Variants in FSTL4 observed in about 807,000 individuals in gnomAD.
FSTL4 encodes the protein follistatin like 4.
Under a neutral mutation model 78.2 loss-of-function variants are expected in FSTL4, and 28 were observed. That is an observed-to-expected ratio of 0.36 (90% confidence interval 0.27 to 0.49). The LOEUF (loss-of-function observed/expected upper bound fraction) is 0.49. Ranked by LOEUF, FSTL4 falls within the 20% of genes least tolerant of loss-of-function variation. FSTL4 has a pLI of 0.98. For missense variants in FSTL4, 922 were observed against 1,084.9 expected (o/e 0.85, Z 2.11); for synonymous variants, 422 against 440.5 (o/e 0.96, Z 0.53).
At chr5:133,761,264 C>G in the FSTL4 span, among the ~76,000 whole-genome samples, 6 of 152,156 alleles carry the variant, frequency 3.9e-5, no homozygotes, top group Admixed American at 1.3e-4. Flanking sequence ...TTCGAAGACT[C>G]CATAAAGAAG....
chr5:133,701,468 A>AACACACAC, the FSTL4 span, among the ~76,000 whole-genome samples: 1,555 of 129,036 alleles, frequency 0.012, 29 homozygotes, highest in African/African-American at 0.03. Flanking sequence ...AAGACACAGA[A>AACACACAC]ACACACACAC....
intron 2 of FSTL4, among the ~76,000 whole-genome samples, chr5:133,576,581 G>A (rs572147635): frequency 6.3e-4 from 96 of 152,264 alleles, no homozygotes; most frequent in African/African-American, 2.1e-3. Context: ...CTGTACAAGG[G>A]GCCCGGCCTG....
the FSTL4 span, among the ~76,000 whole-genome samples, chr5:133,684,070 C>T: frequency 3.9e-5 from 6 of 152,298 alleles, no homozygotes; most frequent in Admixed American, 3.3e-4. Context: ...TTTTTATCAC[C>T]GACTTAATGC....
At chr5:133,214,497 A>G (rs1257483839) in intron 13 of FSTL4, among the ~76,000 whole-genome samples, 2 of 152,178 alleles carry the variant, frequency 1.3e-5, no homozygotes, top group East Asian at 3.8e-4. Context: ...TTAAATTTAT[A>G]CCCACAATTC....
At chr5:133,838,601 C>T in the FSTL4 span, among the ~76,000 whole-genome samples, 1 of 152,118 alleles carries the variant, frequency 6.6e-6, no homozygotes, top group Admixed American at 6.5e-5. Flanking sequence ...AACTGGGCTC[C>T]TCCAGTGTCT....
intron 4 of FSTL4, among the ~76,000 whole-genome samples, chr5:133,331,667 G>A (rs541819679): frequency 5.3e-5 from 8 of 152,260 alleles, no homozygotes; most frequent in Admixed American, 1.3e-4. Context: ...GACCTGAGAC[G>A]GCTCAGAGAA....
chr5:133,438,003 T>G (rs1288736837), intron 3 of FSTL4, among the ~76,000 whole-genome samples: 3 of 152,222 alleles, frequency 2.0e-5, no homozygotes, highest in African/African-American at 7.2e-5. Flanking sequence ...TGTAACGTAT[T>G]ACTCTAATTA....
intron 3 of FSTL4, among the ~76,000 whole-genome samples, chr5:133,467,824 G>A (rs569739758): frequency 7.9e-5 from 12 of 152,300 alleles, no homozygotes; most frequent in African/African-American, 2.6e-4. Flanking sequence ...GACACTGCTG[G>A]CTGTGAACTA....
At chr5:133,636,746 C>T in the FSTL4 span, among the ~76,000 whole-genome samples, 67 of 152,088 alleles carry the variant, frequency 4.4e-4, 1 homozygote, top group African/African-American at 1.5e-3. Context: ...TAGTTTTTAA[C>T]AGGATCCTAG....
intron 3 of FSTL4, among the ~76,000 whole-genome samples, chr5:133,422,458 C>T (rs1220601443): frequency 4.0e-5 from 6 of 150,498 alleles, no homozygotes; most frequent in African/African-American, 7.4e-5. Flanking sequence ...GTGAAGGAGG[C>T]GGGGTAAGAA....
chr5:133,453,094 T>G (rs1757415028), intron 3 of FSTL4, among the ~76,000 whole-genome samples: 1 of 152,162 alleles, frequency 6.6e-6, no homozygotes, highest in Non-Finnish European at 1.5e-5. Context: ...GATGAGTGAC[T>G]CCAGATCCAA....
At chr5:133,662,323 G>C in the FSTL4 span, among the ~76,000 whole-genome samples, 3 of 152,006 alleles carry the variant, frequency 2.0e-5, no homozygotes, top group Non-Finnish European at 4.4e-5. Flanking sequence ...ATTTACAGTT[G>C]AAATGCTCTG....
chr5:133,728,884 A>T, the FSTL4 span, among the ~76,000 whole-genome samples: 1 of 152,198 alleles, frequency 6.6e-6, no homozygotes, highest in Non-Finnish European at 1.5e-5. Flanking sequence ...AAAAAGAGGA[A>T]TTTATCAGAA....
At chr5:133,561,864 G>A (rs143444576) in intron 3 of FSTL4, among the ~76,000 whole-genome samples, 1 of 152,236 alleles carries the variant, frequency 6.6e-6, no homozygotes, top group East Asian at 1.9e-4. Context: ...AGGACACATC[G>A]GCTAGGTGCA....
chr5:133,321,250 C>T (rs1398251416), intron 4 of FSTL4, among the ~76,000 whole-genome samples: 1 of 152,128 alleles, frequency 6.6e-6, no homozygotes, highest in Admixed American at 6.5e-5. Flanking sequence ...GTGCTATTCA[C>T]CCAAATCTCC....
At chr5:133,830,681 C>T in the FSTL4 span, among the ~76,000 whole-genome samples, 3 of 152,210 alleles carry the variant, frequency 2.0e-5, no homozygotes, top group Non-Finnish European at 4.4e-5. Flanking sequence ...GGCACCTGTG[C>T]TGGCCTCCTG....
the FSTL4 span, among the ~76,000 whole-genome samples, chr5:133,657,469 AT>A: frequency 0.098 from 14,858 of 152,196 alleles, 847 homozygotes; most frequent in South Asian, 0.17. Context: ...AGTACATCAC[AT>A]TGCTCACTTC....
the FSTL4 span, among the ~76,000 whole-genome samples, chr5:133,689,417 C>T: frequency 6.6e-6 from 1 of 152,370 alleles, no homozygotes; most frequent in South Asian, 2.1e-4. Flanking sequence ...CAAGCAGCTA[C>T]TTCAAATTCA....
At chr5:133,541,927 G>GACACACACACAC (rs61471971) in intron 3 of FSTL4, among the ~76,000 whole-genome samples, 12,044 of 148,244 alleles carry the variant, frequency 0.081, 614 homozygotes, top group Admixed American at 0.12. Context: ...GAATGTTACA[G>GACACACACACAC]ACACACACAC....
Sources: gnomAD v4.1 joint callset for allele counts (sites outside exome capture counted in the v4.1 genomes callset) on GRCh38, gnomAD v4.1.1 for gene constraint, MANE v1.5 for transcripts, NCBI Gene and HGNC (gene_info 2026-07-23, HGNC 2026-07-21) for gene names.